Variants in BANP observed in about 807,000 individuals in gnomAD.
The protein encoded by BANP is protein BANP.
In BANP, 11 loss-of-function variants were observed where a neutral mutation model predicts 68.1. The ratio of observed to expected loss-of-function variants is 0.16; its 90% CI spans 0.10 to 0.27. The LOEUF (loss-of-function observed/expected upper bound fraction) is 0.27. Among genes scored for constraint, BANP ranks in the 10% least tolerant of loss-of-function variants. The probability of loss-of-function intolerance (pLI) is 1.00; values close to 1 mark genes in which losing one functional copy is unlikely to be tolerated. For missense variants in BANP, 504 were observed against 722.7 expected, an observed-to-expected ratio of 0.70 and a Z score of 3.47; for synonymous variants, 329 against 303.2, an observed-to-expected ratio of 1.09 and a Z score of -0.88.
chr16:88,028,097 CTCT>C (rs2077359397), intron 8 of BANP, among the ~76,000 whole-genome samples: 1 of 152,242 alleles, frequency 6.6e-6, no homozygotes, highest in Admixed American at 6.5e-5. Context: ...TTTGAGTTGC[CTCT>C]CAGGCATCGC....
chr16:88,021,998 GGAGA>G (rs991673508), intron 7 of BANP, among the ~76,000 whole-genome samples: 1 of 152,080 alleles, frequency 6.6e-6, no homozygotes, highest in Non-Finnish European at 1.5e-5. Context: ...ATTGAAAGAG[GGAGA>G]GAGAGAAATT....
chr16:87,970,220 A>G (rs1206609956), intron 1 of BANP: 2 of 152,154 alleles, frequency 1.3e-5, no homozygotes, highest in African/African-American at 4.8e-5. Flanking sequence ...TTTCTGTGGT[A>G]TAGTTTAGCA....
At chr16:87,953,858 C>G (rs764333603) in intron 1 of BANP, among the ~76,000 whole-genome samples, 2 of 152,178 alleles carry the variant, frequency 1.3e-5, no homozygotes, top group Non-Finnish European at 2.9e-5. Flanking sequence ...TGGGTATGTT[C>G]AGGAATGTTT....
At chr16:88,025,874 T>A (rs1246624768) in intron 7 of BANP, among the ~76,000 whole-genome samples, 1 of 152,248 alleles carries the variant, frequency 6.6e-6, no homozygotes, top group Admixed American at 6.5e-5. Context: ...AATTTTGGAT[T>A]CCATCCATGT....
Position 88,007,413 on chromosome 16 carries a change from C to G in BANP, c.655+1148C>G, listed in dbSNP as rs543452840. 7.9e-5 allele frequency among the ~76,000 whole-genome samples: 12 copies of G among 152,260 alleles called. No individual in the cohort carries two copies. In the South Asian group the frequency reaches 2.3e-3, roughly 29 times the overall value. On this transcript the variant is annotated intron_variant, in intron 6 of 13. Coordinates refer to ENST00000682872, the MANE Select transcript of BANP (RefSeq NM_001386991.1). ...TTGGACTCCTAGCGGGGGCCTCTCTCCTGCAGGGCTCTGAGGTGCCCTCCC... is the reference window on the plus strand; with the variant it reads ...TTGGACTCCTAGCGGGGGCCTCTCTGCTGCAGGGCTCTGAGGTGCCCTCCC...
intron 1 of BANP, among the ~76,000 whole-genome samples, chr16:87,970,779 G>A (rs1308358091): frequency 6.6e-6 from 1 of 152,134 alleles, no homozygotes; most frequent in Non-Finnish European, 1.5e-5. Context: ...AGCACTTTGG[G>A]AGGCTGAGGT....
At chr16:88,024,093 G>A (rs1403317754) in intron 7 of BANP, among the ~76,000 whole-genome samples, 1 of 152,202 alleles carries the variant, frequency 6.6e-6, no homozygotes, top group African/African-American at 2.4e-5. Flanking sequence ...ATTGAAGTCC[G>A]ACTAGGCCTC....
In BANP at chr16:88,064,672, C is replaced by G. The variant is rs990067701; in HGVS notation, c.1312-595C>G. On this transcript the variant is annotated intron_variant, in intron 11 of 13. Coordinates refer to ENST00000682872, the MANE Select transcript of BANP (RefSeq NM_001386991.1). This position sits in a 1 kb window ranked among gnomAD's most constrained non-coding sequence, Gnocchi z 4.5. Reference sequence around the variant, plus strand: ...CTTCCTCCCTTAAAAAACAACAACGCTTTTGCCAGACACAAGAGGCTCCTG... The same window carrying G: ...CTTCCTCCCTTAAAAAACAACAACGGTTTTGCCAGACACAAGAGGCTCCTG... Among the ~76,000 whole-genome samples, 3 of 152,366 alleles carry G rather than the reference C, an allele frequency of 2.0e-5. No homozygotes were observed. The East Asian group carries it at 5.8e-4, about 29-fold the overall frequency.
chr16:88,047,727 C>T (rs772477263), intron 11 of BANP, among the ~76,000 whole-genome samples: 25 of 152,162 alleles, frequency 1.6e-4, no homozygotes, highest in Non-Finnish European at 3.5e-4. Flanking sequence ...ACAGAGCACT[C>T]CTGCAGACCA....
chr16:87,953,630 T>A (rs1418848544), intron 1 of BANP, among the ~76,000 whole-genome samples: 2 of 152,236 alleles, frequency 1.3e-5, no homozygotes, highest in Non-Finnish European at 2.9e-5. Context: ...TACTGTTCTC[T>A]TCACGGACAA....
intron 13 of BANP, among the ~76,000 whole-genome samples, chr16:88,074,393 G>C (rs2091145197): frequency 1.3e-5 from 2 of 152,162 alleles, no homozygotes; most frequent in Non-Finnish European, 2.9e-5. Flanking sequence ...CCTCAAAGTG[G>C]AGAGTGGGGC....
Position 88,076,678 on chromosome 16 carries a change from C to CA in BANP, c.*18dup. The CA allele has an allele frequency of 6.2e-7, 1 of 1,601,684 alleles. No homozygotes were observed. Among genetic ancestry groups the CA allele is most frequent in the African/African-American group, 1.3e-5 (1 of 74,916 alleles). ...ATTCAGTGAGCGGTGCCCATGGCAC[C>CA]AGGAGCCCCTCGCCGGCTCCGCCTA... is the stretch of plus-strand genomic sequence containing the variant. On this transcript the variant is annotated 3_prime_UTR_variant, in exon 14 of 14. Transcript: ENST00000682872.
chr16:88,017,408 A>C (rs6540151), intron 6 of BANP: 1 of 152,316 alleles, frequency 6.6e-6, no homozygotes, highest in African/African-American at 2.4e-5. Context: ...CCAAGCAGGA[A>C]TGTGAGTTTT....
chr16:87,998,925 T>TGCAC (rs33983221), intron 4 of BANP, among the ~76,000 whole-genome samples: 602 of 2,202 alleles, frequency 0.27, 292 homozygotes, highest in Middle Eastern at 0.75. Flanking sequence ...CACGTCTCCA[T>TGCAC]GCACGTGCGC....
chr16:88,026,780 T>TACATACATG (rs778515751), intron 7 of BANP, among the ~76,000 whole-genome samples: 35 of 152,038 alleles, frequency 2.3e-4, no homozygotes, highest in Non-Finnish European at 4.1e-4. Flanking sequence ...AGAGTAACAA[T>TACATACATG]ACATACATGA....
chr16:87,969,099 G>A lies in BANP; in HGVS notation c.-68-5949G>A, dbSNP rs894394056. Among the ~76,000 whole-genome samples, 12 of 152,116 alleles carry A rather than the reference G, an allele frequency of 7.9e-5. 1 individual carries two copies. Among genetic ancestry groups the A allele is most frequent in the Admixed American group, 5.2e-4 (8 of 15,274 alleles). On this transcript the variant is annotated intron_variant, in intron 1 of 13. Coordinates refer to ENST00000682872, the MANE Select transcript of BANP (RefSeq NM_001386991.1). ...ACTGCCCTGCCCAGTTGATATTCAC[G>A]GGATCCTGCACCTTGGGAGCCGCTT...
intron 6 of BANP, among the ~76,000 whole-genome samples, chr16:88,009,542 G>A (rs1029690666): frequency 5.9e-5 from 9 of 152,110 alleles, no homozygotes; most frequent in Non-Finnish European, 1.0e-4. Context: ...TTTCACTTAG[G>A]TAATTCCGTT....
intron 12 of BANP, 31 bp from the exon 13 acceptor site, chr16:88,072,038 C>T (rs200731196): frequency 3.4e-5 from 52 of 1,548,002 alleles, no homozygotes; most frequent in South Asian, 1.5e-4. Context: ...TGGGCCACGC[C>T]GCTGACGGGC....
rs55983362 is a variant in BANP, at chr16:87,984,089, C to G, written c.192C>G (p.Ile64Met). Residue 64 changes from isoleucine to methionine, a missense_variant, in exon 4 of 14, where the codon ATC becomes ATG. Around this residue, in one of 3 missense-constraint regions of BANP, gnomAD observed 238 missense variants for 278.9 expected, o/e 0.85. Coordinates refer to ENST00000682872, the MANE Select transcript of BANP (RefSeq NM_001386991.1). The part of the protein sequence containing the change: ...KSFLYSINQT[I>M]CLRLDSIEAK... ...TCCTGTATTCCATCAACCAGACAAT[C>G]TGCTTGCGGTTGGATAGCATTGAAG... The G allele has an allele frequency of 3.1e-6, 5 of 1,613,926 alleles. No homozygotes were observed. In the African/African-American group the frequency reaches 5.3e-5, roughly 17 times the overall value.
Sources: gnomAD v4.1 joint callset for allele counts (sites outside exome capture counted in the v4.1 genomes callset) on GRCh38, gnomAD v4.1.1 for gene constraint, gnomAD v4.1.1 regional missense constraint, Gnocchi (gnomAD v3.1) non-coding constraint, MANE v1.5 for transcripts, NCBI Gene and HGNC (gene_info 2026-07-23, HGNC 2026-07-21) for gene names.